Variants in CHST9 observed in about 807,000 individuals in gnomAD.
CHST9 encodes GalNAc-4-sulfotransferase 2.
A neutral mutation model predicts 44.4 loss-of-function variants in CHST9; 41 were observed. The ratio of observed to expected loss-of-function variants is 0.92; its 90% CI spans 0.72 to 1.20. CHST9 has a LOEUF of 1.20. CHST9 is among the 50% of genes most tolerant of loss of function. The pLI, the probability that CHST9 is intolerant of heterozygous loss-of-function variation, is 0.00. For missense variants in CHST9, 504 were observed against 516.5 expected (o/e 0.98, Z 0.23); for synonymous variants, 171 against 178.4 (o/e 0.96, Z 0.33).
At chr18:27,071,685 C>T (rs2057841753) in intron 2 of CHST9, among the ~76,000 whole-genome samples, 1 of 152,130 alleles carries the variant, frequency 6.6e-6, no homozygotes, top group Non-Finnish European at 1.5e-5. Flanking sequence ...GTATTATCCT[C>T]ATAAATACAT....
intron 4 of CHST9, among the ~76,000 whole-genome samples, chr18:26,974,862 G>C (rs561213774): frequency 1.3e-5 from 2 of 152,084 alleles, no homozygotes; most frequent in African/African-American, 4.8e-5. Flanking sequence ...TTTTAGTAGG[G>C]ATGGGGTTTC....
At chr18:26,937,535 C>T (rs2056015413) in intron 5 of CHST9, among the ~76,000 whole-genome samples, 1 of 152,136 alleles carries the variant, frequency 6.6e-6, no homozygotes, top group African/African-American at 2.4e-5. Context: ...CATTTGAGGG[C>T]TGCCACTCAT....
At chr18:26,975,766 A>T (rs2056616838) in intron 4 of CHST9, among the ~76,000 whole-genome samples, 2 of 82,860 alleles carry the variant, frequency 2.4e-5, no homozygotes, top group African/African-American at 4.4e-5. Flanking sequence ...TATATATATA[A>T]CATTTTCTTT....
At chr18:26,939,591 C>CAA (rs753362526) in intron 5 of CHST9, among the ~76,000 whole-genome samples, 1 of 152,324 alleles carries the variant, frequency 6.6e-6, no homozygotes, top group East Asian at 1.9e-4. Flanking sequence ...CGAACTATTT[C>CAA]AAAGTGTTAA....
chr18:26,978,983 T>G (rs1312147715), intron 4 of CHST9, among the ~76,000 whole-genome samples: 1 of 152,142 alleles, frequency 6.6e-6, no homozygotes, highest in African/African-American at 2.4e-5. Flanking sequence ...GTGGTTTTTG[T>G]GGTTTTTGTT....
At chr18:27,141,588 A>T (rs139441616) in intron 2 of CHST9, among the ~76,000 whole-genome samples, 2,631 of 77,008 alleles carry the variant, frequency 0.034, 97 homozygotes, top group African/African-American at 0.12. Flanking sequence ...TAAAATCCCG[A>T]CTCAAAAAAA....
At chr18:27,101,292 A>G (rs1228223124) in intron 2 of CHST9, among the ~76,000 whole-genome samples, 1 of 152,158 alleles carries the variant, frequency 6.6e-6, no homozygotes, top group Non-Finnish European at 1.5e-5. Context: ...TTCTTTTTAC[A>G]TAGTAGTTAA....
intron 1 of CHST9, among the ~76,000 whole-genome samples, chr18:27,164,376 G>C (rs2058773728): frequency 6.7e-6 from 1 of 148,972 alleles, no homozygotes; most frequent in Admixed American, 6.6e-5. Context: ...AAAAACATAT[G>C]AGTTGGAAGA....
intron 2 of CHST9, among the ~76,000 whole-genome samples, chr18:27,116,337 A>C (rs1036666496): frequency 6.6e-6 from 1 of 152,112 alleles, no homozygotes; most frequent in African/African-American, 2.4e-5. Flanking sequence ...TTGCATATGA[A>C]TATCCATTTA....
rs1431535149 is a variant in CHST9, at chr18:26,912,743, A to C, written c.*3516T>G. On this transcript the variant is annotated 3_prime_UTR_variant, in exon 6 of 6. Coordinates refer to ENST00000618847, the MANE Select transcript of CHST9 (RefSeq NM_031422.6). ...GTAAACTACTTGAAGAGTGCCTGACACCCAGTAAGTATTGAATAAATGTTA... is the reference window on the plus strand; with the variant it reads ...GTAAACTACTTGAAGAGTGCCTGACCCCCAGTAAGTATTGAATAAATGTTA... 3 of 152,200 alleles carry C rather than the reference A, an allele frequency of 2.0e-5. No individual in the cohort carries two copies. The highest frequency in any genetic ancestry group is 7.2e-5 in the African/African-American group (3 of 41,446). The allele number at this position is 152,200 out of a possible 1,614,324, so 9.4% of individuals were successfully genotyped here.
intron 4 of CHST9, among the ~76,000 whole-genome samples, chr18:26,975,619 A>T (rs2056607863): frequency 6.8e-6 from 1 of 146,196 alleles, no homozygotes; most frequent in Non-Finnish European, 1.5e-5. Flanking sequence ...TATTCTTTTT[A>T]ATGGCTGAAC....
intron 3 of CHST9, among the ~76,000 whole-genome samples, chr18:27,030,361 T>G (rs1393783776): frequency 6.6e-6 from 1 of 152,252 alleles, no homozygotes; most frequent in Admixed American, 6.5e-5. Context: ...GAATTCAGCT[T>G]AAATATCTTT....
chr18:27,010,396 G>C (rs2057068791), intron 4 of CHST9, among the ~76,000 whole-genome samples: 1 of 152,124 alleles, frequency 6.6e-6, no homozygotes, highest in Non-Finnish European at 1.5e-5. Context: ...AATATTACAT[G>C]ACTTGAAGTA....
chr18:26,921,230 G>C (rs189167803), intron 5 of CHST9, among the ~76,000 whole-genome samples: 8 of 152,266 alleles, frequency 5.3e-5, no homozygotes, highest in African/African-American at 1.7e-4. Context: ...CAGACTAGAT[G>C]CAATGTCTTT....
intron 1 of CHST9, chr18:27,147,641 T>A (rs2143885987): frequency 6.6e-6 from 1 of 152,396 alleles, no homozygotes; most frequent in South Asian, 2.1e-4. Context: ...CACCCACACA[T>A]CTTTGCCTCT....
intron 2 of CHST9, among the ~76,000 whole-genome samples, chr18:27,129,103 T>C (rs1360037921): frequency 6.6e-6 from 1 of 151,512 alleles, no homozygotes; most frequent in Non-Finnish European, 1.5e-5. Flanking sequence ...GAAAGTGAAT[T>C]AATTTTGTCT....
intron 4 of CHST9, among the ~76,000 whole-genome samples, chr18:26,999,144 T>C (rs1270573267): frequency 3.9e-5 from 6 of 152,148 alleles, no homozygotes; most frequent in Admixed American, 3.3e-4. Flanking sequence ...ATCACAATAA[T>C]GAGATTGTGC....
intron 4 of CHST9, among the ~76,000 whole-genome samples, chr18:26,965,798 A>T (rs1270429280): frequency 6.6e-6 from 1 of 152,132 alleles, no homozygotes; most frequent in Non-Finnish European, 1.5e-5. Context: ...TGCTGAATAA[A>T]CTCACAGAGA....
At chr18:27,043,950 A>T (rs941809326) in intron 3 of CHST9, among the ~76,000 whole-genome samples, 1 of 152,016 alleles carries the variant, frequency 6.6e-6, no homozygotes, top group African/African-American at 2.4e-5. Flanking sequence ...TCAATAGGCC[A>T]TGCCTTTTCC....
Sources: gnomAD v4.1 joint callset for allele counts (sites outside exome capture counted in the v4.1 genomes callset) on GRCh38, gnomAD v4.1.1 for gene constraint, MANE v1.5 for transcripts, NCBI Gene and HGNC (gene_info 2026-07-23, HGNC 2026-07-21) for gene names.